The following ACOT13 variants were observed in gnomAD, a reference collection of about 807,000 sequenced individuals.
ACOT13 encodes acyl-CoA thioesterase 13.
ACOT13 carries 10 observed loss-of-function variants against 11.8 expected under a neutral mutation model. The observed-to-expected ratio is 0.85, with a 90% CI of 0.53 to 1.44. The LOEUF (loss-of-function observed/expected upper bound fraction) is 1.44. Among genes scored for constraint, ACOT13 ranks in the 40% most tolerant of loss-of-function variants. ACOT13 has a pLI of 0.00. For missense variants in ACOT13, 172 were observed against 174.1 expected, an observed-to-expected ratio of 0.99 and a Z score of 0.07; for synonymous variants, 53 against 61.0, an observed-to-expected ratio of 0.87 and a Z score of 0.61.
intron 1 of ACOT13, among the ~76,000 whole-genome samples, chr6:24,686,064 G>A (rs893737868): frequency 3.3e-5 from 5 of 151,640 alleles, no homozygotes; most frequent in Non-Finnish European, 7.4e-5. Flanking sequence ...AAGGTTAACC[G>A]TCAGACTAAA....
At chr6:24,669,239 A>T (rs573886830) in intron 1 of ACOT13, among the ~76,000 whole-genome samples, 6 of 152,210 alleles carry the variant, frequency 3.9e-5, no homozygotes, top group Non-Finnish European at 7.3e-5. Context: ...TATGCGTTTT[A>T]GGGACATATA....
chr6:24,698,282 G>C (rs1449177269), intron 2 of ACOT13, among the ~76,000 whole-genome samples: 2 of 152,160 alleles, frequency 1.3e-5, no homozygotes, highest in African/African-American at 4.8e-5. Context: ...TAGTAAAAAG[G>C]GAATGATCCC....
Position 24,672,573 on chromosome 6 carries a change from A to G in ACOT13, c.81+5229A>G, listed in dbSNP as rs1308824955. ...AGAATCGCTTGAAGCCAGGAGGCGG[A>G]GGTTACAGTGAGCTGAGATTGAGCC... is the stretch of plus-strand genomic sequence containing the variant. On this transcript the variant is annotated intron_variant, in intron 1 of 2. Transcript: ENST00000230048. Among the ~76,000 whole-genome samples, 4 of 152,346 alleles carry G rather than the reference A, an allele frequency of 2.6e-5. No homozygotes were observed. The East Asian group carries it at 7.7e-4, about 29-fold the overall frequency.
intron 1 of ACOT13, among the ~76,000 whole-genome samples, chr6:24,695,400 T>C (rs572144325): frequency 2.5e-4 from 38 of 152,342 alleles, no homozygotes; most frequent in Non-Finnish European, 3.4e-4. Flanking sequence ...GCCTGGCTTT[T>C]TCCCTTATCT....
rs748178596 is a variant in ACOT13 at position 24,677,340 on chromosome 6, C to T, written c.81+9996C>T. On this transcript the variant is annotated intron_variant, in intron 1 of 2. Coordinates refer to ENST00000230048, the MANE Select transcript of ACOT13 (RefSeq NM_018473.4). ...TAATAGAGCCTGATATTTAAGTAAA[C>T]GGTTGTCTGACAGCCACAAGTCTCC... 3.8e-4 allele frequency among the ~76,000 whole-genome samples: 58 copies of T among 152,350 alleles called. 1 individual carries two copies. The highest frequency in any genetic ancestry group is 8.3e-4 in the South Asian group (4 of 4,826).
At chr6:24,699,396 G>A (rs1339256424) in intron 2 of ACOT13, among the ~76,000 whole-genome samples, 1 of 152,102 alleles carries the variant, frequency 6.6e-6, no homozygotes, top group East Asian at 1.9e-4. Context: ...ATTTTTAGTA[G>A]AGATGGGGTT....
At chr6:24,687,921 G>A (rs989118919) in intron 1 of ACOT13, among the ~76,000 whole-genome samples, 3 of 151,574 alleles carry the variant, frequency 2.0e-5, no homozygotes, top group African/African-American at 7.3e-5. Context: ...CCGTATTGGC[G>A]AGGCTGGTCT....
intron 1 of ACOT13, chr6:24,687,558 G>A: frequency 7.0e-7 from 1 of 1,426,392 alleles, no homozygotes; most frequent in Non-Finnish European, 9.2e-7. Flanking sequence ...AATGAGTGAT[G>A]AAGGTGAATA....
At chr6:24,688,637 A>G (rs1328521723) in intron 1 of ACOT13, among the ~76,000 whole-genome samples, 1 of 152,168 alleles carries the variant, frequency 6.6e-6, no homozygotes, top group Non-Finnish European at 1.5e-5. Context: ...CATGTGACTG[A>G]GTCCTGTGTT....
At chr6:24,668,370 C>T (rs1423137038) in intron 1 of ACOT13, among the ~76,000 whole-genome samples, 2 of 152,044 alleles carry the variant, frequency 1.3e-5, no homozygotes, top group Admixed American at 6.5e-5. Flanking sequence ...TACAGGCATG[C>T]GCCACCAAGC....
intron 1 of ACOT13, among the ~76,000 whole-genome samples, chr6:24,697,113 A>G (rs888432722): frequency 6.6e-6 from 1 of 152,208 alleles, no homozygotes; most frequent in African/African-American, 2.4e-5. Context: ...GCATATGTTT[A>G]TCTTTCATGT....
intron 1 of ACOT13, among the ~76,000 whole-genome samples, chr6:24,687,067 C>T (rs899608766): frequency 1.4e-4 from 21 of 152,202 alleles, no homozygotes; most frequent in African/African-American, 4.6e-4. Flanking sequence ...AGGAGACACA[C>T]ACCATCTTAA....
Position 24,687,705 on chromosome 6 carries a change from ATTTTTTT to A in ACOT13, c.82-10161_82-10155del, listed in dbSNP as rs3033242. 1.2e-4 allele frequency: 149 copies of A among 1,285,954 alleles called. No homozygotes were observed. In the African/African-American group the frequency reaches 1.3e-3, roughly 11 times the overall value. 79.7% of individuals were successfully genotyped at this position (1,285,954 alleles called of 1,614,324 possible). A position where few individuals can be genotyped will look rare whatever the true frequency, so the allele number is the denominator to read the frequency against. On this transcript the variant is annotated intron_variant, in intron 1 of 2. Coordinates refer to ENST00000230048, the MANE Select transcript of ACOT13 (RefSeq NM_018473.4). Reference sequence around the variant, plus strand: ...AAATGGTTAGAAAGGTAAGAATAGAATTTTTTTTTTTTTTTTTTTTTTTGAGACAGAG... The same window carrying A: ...AAATGGTTAGAAAGGTAAGAATAGAATTTTTTTTTTTTTTTTGAGACAGAG...
chr6:24,691,598 T>C (rs1778719184), intron 1 of ACOT13, among the ~76,000 whole-genome samples: 3 of 152,052 alleles, frequency 2.0e-5, no homozygotes, highest in Admixed American at 2.0e-4. Context: ...CAATTTTAAA[T>C]CTTATCTGGA....
chr6:24,697,518 A>C (rs1312248359), intron 1 of ACOT13, among the ~76,000 whole-genome samples: 1 of 152,122 alleles, frequency 6.6e-6, no homozygotes, highest in Admixed American at 6.6e-5. Context: ...CAAAACTAGG[A>C]AACAACAAAT....
intron 1 of ACOT13, among the ~76,000 whole-genome samples, chr6:24,672,259 A>G (rs965968452): frequency 6.6e-6 from 1 of 152,258 alleles, no homozygotes; most frequent in Non-Finnish European, 1.5e-5. Flanking sequence ...TTTCCAAACA[A>G]TAAGCCCTAA....
At chr6:24,689,134 G>A (rs1448744396) in intron 1 of ACOT13, among the ~76,000 whole-genome samples, 2 of 151,936 alleles carry the variant, frequency 1.3e-5, no homozygotes, top group Non-Finnish European at 2.9e-5. Flanking sequence ...ACTCCAGCCT[G>A]GGCAACGAGA....
chr6:24,679,916 A>G (rs1778519491), intron 1 of ACOT13, among the ~76,000 whole-genome samples: 1 of 152,214 alleles, frequency 6.6e-6, no homozygotes, highest in Non-Finnish European at 1.5e-5. Flanking sequence ...AAAAAGGTAC[A>G]TGCACTCTGG....
intron 1 of ACOT13, among the ~76,000 whole-genome samples, chr6:24,681,311 G>A (rs1778544903): frequency 6.6e-6 from 1 of 152,156 alleles, no homozygotes; most frequent in Admixed American, 6.5e-5. Context: ...CCCATCCGCG[G>A]GTTACTGGGT....
Sources: allele counts gnomAD v4.1 joint callset (sites outside exome capture counted in the v4.1 genomes callset), GRCh38; gene constraint gnomAD v4.1.1; transcripts MANE v1.5; gene names NCBI Gene and HGNC (gene_info 2026-07-23, HGNC 2026-07-21).